The following PIP5K1B variants were observed in gnomAD, a reference collection of about 807,000 sequenced individuals.
PIP5K1B encodes the protein phosphatidylinositol 4-phosphate 5-kinase type-1 beta.
PIP5K1B carries 42 observed loss-of-function variants against 67.0 expected under a neutral mutation model. The ratio of observed to expected loss-of-function variants is 0.63; its 90% CI spans 0.49 to 0.81. The LOEUF (loss-of-function observed/expected upper bound fraction) is 0.81, where lower values mean the gene tolerates loss of function less well. PIP5K1B is among the 30% of genes least tolerant of loss of function. The pLI is 0.00. For synonymous variants in PIP5K1B, 214 were observed against 231.4 expected (o/e 0.92, Z 0.68); for missense variants, 459 against 646.3 (o/e 0.71, Z 3.14).
chr9:68,918,943 C>T (rs1826234376), intron 9 of PIP5K1B, among the ~76,000 whole-genome samples: 1 of 151,982 alleles, frequency 6.6e-6, no homozygotes, highest in Non-Finnish European at 1.5e-5. Context: ...ATAAATAATA[C>T]CTTTTCTTGA....
intron 8 of PIP5K1B, among the ~76,000 whole-genome samples, chr9:68,897,180 A>C (rs1825133181): frequency 6.6e-6 from 1 of 152,186 alleles, no homozygotes; most frequent in Admixed American, 6.5e-5. Flanking sequence ...CCTCTGCTAA[A>C]ATTCCTGTGA....
chr9:68,903,387 G>C (rs1030121613), intron 8 of PIP5K1B, among the ~76,000 whole-genome samples: 5 of 152,160 alleles, frequency 3.3e-5, no homozygotes, highest in African/African-American at 1.2e-4. Context: ...GTGAATTTGT[G>C]GATTAATTGT....
chr9:68,940,590 C>G, intron 13 of PIP5K1B, 56 bp from the exon 14 acceptor site: 1 of 1,542,990 alleles, frequency 6.5e-7, no homozygotes, highest in East Asian at 2.3e-5. Flanking sequence ...ATTATAGATA[C>G]TAAAGCTGCA....
chr9:68,920,510 G>GGTGC (rs1357810394), intron 11 of PIP5K1B, among the ~76,000 whole-genome samples: 5 of 151,550 alleles, frequency 3.3e-5, no homozygotes, highest in Non-Finnish European at 7.4e-5. Context: ...TGGGACAACA[G>GGTGC]GTGCGTGCCA....
Position 68,876,686 on chromosome 9 carries a change from C to A in PIP5K1B, c.210C>A (p.Ser70Arg), listed in dbSNP as rs1374890392. Reference sequence around the variant, plus strand: ...AATATTTTGACTTCAGCGAAGGGAGCAATCTGACCCCAGCACATCACTACC... The same window carrying A: ...AATATTTTGACTTCAGCGAAGGGAGAAATCTGACCCCAGCACATCACTACC... Reference protein sequence around the residue: ...VESVFLPSEGSNLTPAHHYPD... With the variant: ...VESVFLPSEGRNLTPAHHYPD... The change falls in exon 6 of 16, where the codon AGC (serine) becomes AGA (arginine). Residue 70 changes from serine (S) to arginine (R), a missense_variant. Ser to Arg is a moderately radical substitution (Grantham distance 110). Around this residue, in one of 2 missense-constraint regions of PIP5K1B, gnomAD observed 290 missense variants for 474.4 expected, o/e 0.61. Transcript: ENST00000265382. 2 of 1,568,328 alleles carry A rather than the reference C, an allele frequency of 1.3e-6. No homozygotes were observed. Among genetic ancestry groups the A allele is most frequent in the African/African-American group, 2.7e-5 (2 of 74,096 alleles).
intron 7 of PIP5K1B, among the ~76,000 whole-genome samples, chr9:68,893,336 T>TTC (rs1216022838): frequency 0.012 from 1,653 of 139,808 alleles, 32 homozygotes; most frequent in African/African-American, 0.037. Context: ...TTTTTTTCTT[T>TTC]TTTTTTTTTT....
At chr9:68,847,517 G>A (rs1170181883) in intron 4 of PIP5K1B, among the ~76,000 whole-genome samples, 1 of 150,728 alleles carries the variant, frequency 6.6e-6, no homozygotes, top group African/African-American at 2.4e-5. Flanking sequence ...GGAGGTTGCT[G>A]AGGGTTTCTT....
chr9:68,724,835 C>CTGG (rs1446789638), intron 1 of PIP5K1B, among the ~76,000 whole-genome samples: 1 of 152,144 alleles, frequency 6.6e-6, no homozygotes, highest in East Asian at 1.9e-4. Context: ...GAAAGGCTTT[C>CTGG]AATTTTCCTT....
intron 14 of PIP5K1B, among the ~76,000 whole-genome samples, chr9:68,955,620 C>G (rs1431569640): frequency 6.6e-6 from 1 of 152,194 alleles, no homozygotes; most frequent in Non-Finnish European, 1.5e-5. Context: ...CAGATGTAAC[C>G]AGAGCATGGC....
At position 68,829,350 on chromosome 9, in the gene PIP5K1B, A is replaced by T. The variant is rs569361959; in HGVS notation, c.69+6667A>T. Among the ~76,000 whole-genome samples, 17 of 152,314 alleles carry T rather than the reference A, an allele frequency of 1.1e-4. No homozygotes were observed. In the South Asian group the frequency reaches 1.7e-3, roughly 15 times the overall value. On this transcript the variant is annotated intron_variant, in intron 4 of 15. Coordinates refer to ENST00000265382, the MANE Select transcript of PIP5K1B (RefSeq NM_003558.4). ...AATAGCAGCTATGCTGGTCTCTAGGATGAATGACCCTTTGGTATTCTAAGT... is the reference window on the plus strand; with the variant it reads ...AATAGCAGCTATGCTGGTCTCTAGGTTGAATGACCCTTTGGTATTCTAAGT...
chr9:68,722,660 GTATT>G (rs1328001715), intron 1 of PIP5K1B, among the ~76,000 whole-genome samples: 11 of 149,442 alleles, frequency 7.4e-5, no homozygotes, highest in South Asian at 6.3e-4. Context: ...TACCATGTAT[GTATT>G]TATTTATTAT....
intron 4 of PIP5K1B, among the ~76,000 whole-genome samples, chr9:68,847,080 T>G (rs935482159): frequency 1.1e-4 from 16 of 152,202 alleles, no homozygotes; most frequent in Non-Finnish European, 2.1e-4. Flanking sequence ...TAAGTCCTCC[T>G]GTCTTATGAA....
intron 2 of PIP5K1B, among the ~76,000 whole-genome samples, chr9:68,772,636 A>C (rs1412451607): frequency 6.6e-6 from 1 of 152,170 alleles, no homozygotes; most frequent in Non-Finnish European, 1.5e-5. Flanking sequence ...GCTGGCAAAG[A>C]TCTTAGAAAT....
At chr9:68,938,368 C>T (rs946181876) in intron 13 of PIP5K1B, among the ~76,000 whole-genome samples, 2 of 152,050 alleles carry the variant, frequency 1.3e-5, no homozygotes, top group African/African-American at 4.8e-5. Context: ...TTATTTGTCT[C>T]TTTTGATCTT....
At chr9:68,779,093 A>G (rs1831075761) in intron 2 of PIP5K1B, among the ~76,000 whole-genome samples, 1 of 151,680 alleles carries the variant, frequency 6.6e-6, no homozygotes. Context: ...ACTAGGGCCC[A>G]TTTCCTAGCA....
intron 14 of PIP5K1B, chr9:68,965,720 C>T (rs1322395002): frequency 6.6e-6 from 1 of 152,174 alleles, no homozygotes; most frequent in Non-Finnish European, 1.5e-5. Context: ...AATCCCAGCG[C>T]TTTGGGAGGC....
At chr9:68,846,284 T>G (rs762495933) in intron 4 of PIP5K1B, among the ~76,000 whole-genome samples, 13 of 152,332 alleles carry the variant, frequency 8.5e-5, no homozygotes, top group Non-Finnish European at 1.6e-4. Flanking sequence ...ATTGTTCTTC[T>G]GTGGTTTTCC....
intron 2 of PIP5K1B, among the ~76,000 whole-genome samples, chr9:68,787,263 A>G (rs1026400623): frequency 6.6e-6 from 1 of 152,208 alleles, no homozygotes; most frequent in Non-Finnish European, 1.5e-5. Flanking sequence ...GATGAGACCC[A>G]AGTGCTAAAG....
chr9:68,720,836 G>C (rs2132261305), intron 1 of PIP5K1B, among the ~76,000 whole-genome samples: 1 of 152,332 alleles, frequency 6.6e-6, no homozygotes, highest in East Asian at 1.9e-4. Flanking sequence ...GAAATCCTTA[G>C]ATCCTTTACC....
Sources: gnomAD v4.1 joint callset for allele counts (sites outside exome capture counted in the v4.1 genomes callset) on GRCh38, gnomAD v4.1.1 for gene constraint, gnomAD v4.1.1 regional missense constraint, MANE v1.5 for transcripts, NCBI Gene and HGNC (gene_info 2026-07-23, HGNC 2026-07-21) for gene names.